Variants in INPP5D observed in about 807,000 individuals in gnomAD.
INPP5D encodes phosphatidylinositol 3,4,5-trisphosphate 5-phosphatase 1.
In INPP5D, 33 loss-of-function variants were observed where a neutral mutation model predicts 122.9. The observed-to-expected ratio is 0.27, with a 90% CI of 0.20 to 0.36. INPP5D has a LOEUF of 0.36. Among genes scored for constraint, INPP5D ranks in the 10% least tolerant of loss-of-function variants. The pLI is 1.00. For synonymous variants in INPP5D, 584 were observed against 576.2 expected, an observed-to-expected ratio of 1.01 and a Z score of -0.19; for missense variants, 1,053 against 1,412.7, an observed-to-expected ratio of 0.75 and a Z score of 4.08.
chr2:233,107,881 C>T (rs536663449), intron 2 of INPP5D, among the ~76,000 whole-genome samples: 3 of 152,132 alleles, frequency 2.0e-5, no homozygotes, highest in African/African-American at 4.8e-5. Flanking sequence ...TCTTCCCCAG[C>T]GCTGCCACGG....
At chr2:233,179,055 C>G (rs1694718625) in intron 18 of INPP5D, among the ~76,000 whole-genome samples, 1 of 152,350 alleles carries the variant, frequency 6.6e-6, no homozygotes, top group African/African-American at 2.4e-5. Flanking sequence ...ACACACGCAC[C>G]CTGCATTCCT....
intron 1 of INPP5D, among the ~76,000 whole-genome samples, chr2:233,075,175 C>T (rs1191245203): frequency 1.3e-5 from 2 of 152,188 alleles, no homozygotes; most frequent in African/African-American, 4.8e-5. Flanking sequence ...TGTAAGCCCC[C>T]CTTCATTTGG....
In INPP5D at chr2:233,185,891, A is replaced by T; in HGVS notation, c.2324A>T (p.Glu775Val). 1 of 1,608,522 alleles carries T rather than the reference A, an allele frequency of 6.2e-7. No homozygotes were observed. Among genetic ancestry groups the T allele is most frequent in the Non-Finnish European group, 8.5e-7 (1 of 1,177,438 alleles). Residue 775 changes from glutamate to valine, a missense_variant, in exon 21 of 27, where the codon GAG (glutamate) becomes GTG (valine). Around this residue, in one of 6 missense-constraint regions of INPP5D, gnomAD observed 258 missense variants for 439.1 expected, o/e 0.59. Transcript: ENST00000445964. ...EGENEEGSEG[E>V]LVVKFGETLP... ...GAAAATGAAGAAGGAAGTGAGGGGG[A>T]GCTGGTGGTGAAGTTTGGTGAGACT...
Position 233,164,163 on chromosome 2 carries a change from A to G in INPP5D, c.1438-144A>G, listed in dbSNP as rs1574777702. The stretch of plus-strand genomic sequence containing the variant: ...GGATGTTTTGTCTCGCCTATCAAGC[A>G]TCGCTGGGAGTCCCCCGAAGGGTTG... On this transcript the variant is annotated intron_variant, in intron 12 of 26. Coordinates refer to ENST00000445964, the MANE Select transcript of INPP5D (RefSeq NM_001017915.3). The surrounding 1 kb of genome is among the most constrained non-coding windows in gnomAD (Gnocchi z 4.3). 19 of 1,421,042 alleles carry G rather than the reference A, an allele frequency of 1.3e-5. No individual in the cohort carries two copies. Among genetic ancestry groups the G allele is most frequent in the Non-Finnish European group, 1.8e-5 (19 of 1,084,040 alleles). 88.0% of individuals were successfully genotyped at this position (1,421,042 alleles called of 1,614,324 possible). A position where few individuals can be genotyped will look rare whatever the true frequency, so the allele number is the denominator to read the frequency against.
At chr2:233,137,856 ATATATATATAT>A (rs1559313292) in intron 5 of INPP5D, among the ~76,000 whole-genome samples, 908 of 14,276 alleles carry the variant, frequency 0.064, 85 homozygotes, top group Non-Finnish European at 0.078. Flanking sequence ...AAAAAAAAAT[ATATATATATAT>A]ATATATATAT....
At chr2:233,165,993 C>A (rs1489959919) in intron 13 of INPP5D, among the ~76,000 whole-genome samples, 1 of 152,026 alleles carries the variant, frequency 6.6e-6, no homozygotes, top group Non-Finnish European at 1.5e-5. Flanking sequence ...CCAGAGATAA[C>A]AGGAAATAGA....
chr2:233,197,123 C>G lies in INPP5D; in HGVS notation c.2694-972C>G, dbSNP rs1030709459. On this transcript the variant is annotated intron_variant, in intron 24 of 26. Transcript: ENST00000445964. The surrounding 1 kb of genome is among the most constrained non-coding windows in gnomAD (Gnocchi z 4.4). ...TGGTGGATGGGAACAAGGTACAGCT[C>G]GGAACCAGGCTGGCAGAGCACATGG... Among the ~76,000 whole-genome samples the G allele has an allele frequency of 1.3e-5, 2 of 152,170 alleles. No individual in the cohort carries two copies. Among genetic ancestry groups the G allele is most frequent in the Admixed American group, 6.5e-5 (1 of 15,284 alleles).
rs111539007 is a variant in INPP5D at position 233,092,412 on chromosome 2, A to G, written c.198+13014A>G. Among the ~76,000 whole-genome samples the G allele has an allele frequency of 9.7e-3, 1,473 of 152,002 alleles. 8 individuals carry two copies. The highest frequency in any genetic ancestry group is 0.021 in the African/African-American group (885 of 41,416). On this transcript the variant is annotated intron_variant, in intron 2 of 26. Coordinates refer to ENST00000445964, the MANE Select transcript of INPP5D (RefSeq NM_001017915.3). ...AAATATCCCTCATAGGCTCTGGGCA[A>G]TGGGGAAAATGGAGATTGCTTGCCT...
chr2:233,125,612 T>C, intron 3 of INPP5D, 133 bp from the exon 4 acceptor site: 1 of 739,588 alleles, frequency 1.4e-6, no homozygotes, highest in Admixed American at 3.0e-5. Flanking sequence ...CAGGAGGGAG[T>C]CAGCGAGGGA....
chr2:233,122,822 G>C (rs1309151701), intron 3 of INPP5D, among the ~76,000 whole-genome samples: 1 of 152,066 alleles, frequency 6.6e-6, no homozygotes, highest in Admixed American at 6.6e-5. Flanking sequence ...AAAAAAGAGA[G>C]AGAGAGAAAG....
chr2:233,182,350 CT>C (rs1694804755), intron 18 of INPP5D, 59 bp from the exon 19 acceptor site: 3 of 1,605,968 alleles, frequency 1.9e-6, no homozygotes, highest in Admixed American at 3.4e-5. Context: ...GGTTGCCATC[CT>C]TGGCCTGACC....
At chr2:233,148,695 T>G (rs1022476922) in intron 9 of INPP5D, among the ~76,000 whole-genome samples, 2 of 152,070 alleles carry the variant, frequency 1.3e-5, no homozygotes, top group Non-Finnish European at 2.9e-5. Context: ...CGAATGGACA[T>G]CTTTCTTCAT....
intron 9 of INPP5D, among the ~76,000 whole-genome samples, chr2:233,152,791 G>T (rs1693953052): frequency 6.6e-6 from 1 of 152,184 alleles, no homozygotes; most frequent in African/African-American, 2.4e-5. Context: ...CAGGCATGTG[G>T]GCTTGCTGAG....
chr2:233,138,291 A>G (rs1399798081), intron 5 of INPP5D, among the ~76,000 whole-genome samples: 1 of 142,550 alleles, frequency 7.0e-6, no homozygotes, highest in Non-Finnish European at 1.5e-5. Flanking sequence ...TGGGCCACAG[A>G]GTAAGATTGT....
At chr2:233,070,776 G>T (rs1028039663) in intron 1 of INPP5D, among the ~76,000 whole-genome samples, 2 of 152,090 alleles carry the variant, frequency 1.3e-5, no homozygotes, top group Non-Finnish European at 2.9e-5. Flanking sequence ...ACTGGGCCCT[G>T]GTTCCCCTTT....
chr2:233,170,162 T>C lies in INPP5D; in HGVS notation c.1789T>C (p.Trp597Arg). The C allele has an allele frequency of 1.2e-6, 2 of 1,613,314 alleles. No homozygotes were observed. The highest frequency in any genetic ancestry group is 1.7e-6 in the Non-Finnish European group (2 of 1,179,658). The change falls in exon 15 of 27, where the codon TGG (tryptophan) becomes CGG (arginine). Residue 597 changes from tryptophan to arginine, a missense_variant and splice_region_variant. By Grantham distance (101) the Trp-to-Arg change is moderately radical. Around this residue, in one of 6 missense-constraint regions of INPP5D, gnomAD observed 258 missense variants for 439.1 expected, o/e 0.59. Coordinates refer to ENST00000445964, the MANE Select transcript of INPP5D (RefSeq NM_001017915.3). The surrounding 1 kb of genome is among the most constrained non-coding windows in gnomAD (Gnocchi z 4.5). ...TAACTACCGTGTGGATCTGCCTACC[T>C]GGGTAAGGGCTGCCCGCCTGGGGCT... ...DLNYRVDLPT[W>R]EAETIIQKIK... is the part of the protein sequence containing the mutation.
At chr2:233,168,286 C>A (rs1352768567) in intron 13 of INPP5D, among the ~76,000 whole-genome samples, 1 of 152,232 alleles carries the variant, frequency 6.6e-6, no homozygotes, top group Non-Finnish European at 1.5e-5. Flanking sequence ...ACCAAGGCCA[C>A]AATTCCAATG....
intron 1 of INPP5D, among the ~76,000 whole-genome samples, chr2:233,065,289 A>T (rs1463106492): frequency 6.7e-6 from 1 of 148,182 alleles, no homozygotes; most frequent in East Asian, 2.0e-4. Context: ...ATTCATGAAC[A>T]CAATCAGCAC....
Position 233,189,269 on chromosome 2 carries a change from A to T in INPP5D, c.2359-581A>T, listed in dbSNP as rs1323978049. Among the ~76,000 whole-genome samples the T allele has an allele frequency of 6.6e-6, 1 of 152,204 alleles. No homozygotes were observed. Among genetic ancestry groups the T allele is most frequent in the Non-Finnish European group, 1.5e-5 (1 of 68,036 alleles). ...GCCTGTGTCTGTCATTCGCTGAGCCACACCCCCAACAATCGGTAGGACACT... is the reference window on the plus strand; with the variant it reads ...GCCTGTGTCTGTCATTCGCTGAGCCTCACCCCCAACAATCGGTAGGACACT... On this transcript the variant is annotated intron_variant, in intron 21 of 26. Transcript: ENST00000445964. This position sits in a 1 kb window ranked among gnomAD's most constrained non-coding sequence, Gnocchi z 5.6.
Sources: allele counts gnomAD v4.1 joint callset (sites outside exome capture counted in the v4.1 genomes callset), GRCh38; gene constraint gnomAD v4.1.1; regional missense constraint gnomAD v4.1.1; non-coding constraint Gnocchi (gnomAD v3.1); transcripts MANE v1.5; gene names NCBI Gene and HGNC (gene_info 2026-07-23, HGNC 2026-07-21).